Variants in KIRREL3 observed in about 807,000 individuals in gnomAD.
KIRREL3 encodes kin of IRRE-like protein 3.
A neutral mutation model predicts 89.7 loss-of-function variants in KIRREL3; 36 were observed. That is an observed-to-expected ratio of 0.40 (90% confidence interval 0.31 to 0.53). The LOEUF (loss-of-function observed/expected upper bound fraction) is 0.53. KIRREL3 is among the 20% of genes least tolerant of loss of function. KIRREL3 has a pLI of 0.49. For missense variants in KIRREL3, 864 were observed against 1,056.6 expected, an observed-to-expected ratio of 0.82 and a Z score of 2.53; for synonymous variants, 445 against 441.4, an observed-to-expected ratio of 1.01 and a Z score of -0.10.
chr11:126,850,214 A>G (rs960601026), intron 1 of KIRREL3, among the ~76,000 whole-genome samples: 1 of 152,236 alleles, frequency 6.6e-6, no homozygotes, highest in African/African-American at 2.4e-5. Flanking sequence ...TTTCACCCAC[A>G]TGATCTCTTT....
At position 126,709,606 on chromosome 11, in the gene KIRREL3, T is replaced by C. The variant is rs1356788757; in HGVS notation, c.56-146694A>G. On this transcript the variant is annotated intron_variant, in intron 1 of 16. Transcript: ENST00000525144. The surrounding 1 kb of genome is among the most constrained non-coding windows in gnomAD (Gnocchi z 4.0). ...GCGTCCTAATCCTGCATGACTGGTG[T>C]CCTTATAAAAAGAGAAAATTTGGAC... Among the ~76,000 whole-genome samples the C allele has an allele frequency of 1.3e-5, 2 of 152,064 alleles. No individual in the cohort carries two copies. Among genetic ancestry groups the C allele is most frequent in the Non-Finnish European group, 2.9e-5 (2 of 68,016 alleles).
intron 1 of KIRREL3, among the ~76,000 whole-genome samples, chr11:126,933,453 T>G (rs1379871117): frequency 1.3e-5 from 2 of 151,244 alleles, no homozygotes; most frequent in Non-Finnish European, 2.9e-5. Flanking sequence ...TTGCATGTTT[T>G]AAAGAATTTC....
chr11:126,865,675 C>T (rs763547192), intron 1 of KIRREL3, among the ~76,000 whole-genome samples: 3 of 152,180 alleles, frequency 2.0e-5, no homozygotes, highest in Non-Finnish European at 2.9e-5. Context: ...GTACAGGACC[C>T]TGAGGGATCG....
chr11:126,921,391 G>GTATC (rs35917135), intron 1 of KIRREL3, among the ~76,000 whole-genome samples: 20,396 of 143,810 alleles, frequency 0.14, 1,423 homozygotes, highest in African/African-American at 0.18. Context: ...ATCCTGTCTT[G>GTATC]TATCTATCTA....
At position 126,872,723 on chromosome 11, in the gene KIRREL3, C is replaced by A. The variant is rs1945148902; in HGVS notation, c.55+127732G>T. On this transcript the variant is annotated intron_variant, in intron 1 of 16. Transcript: ENST00000525144. This position sits in a 1 kb window ranked among gnomAD's most constrained non-coding sequence, Gnocchi z 4.2. The stretch of plus-strand genomic sequence containing the variant: ...TCATCTTTGTCAGTGTGGGTACTTT[C>A]CTGCTCTGTGCTGCCAGAATGGTGC... Among the ~76,000 whole-genome samples the A allele has an allele frequency of 6.6e-6, 1 of 152,314 alleles. No homozygotes were observed. The highest frequency in any genetic ancestry group is 2.4e-5 in the African/African-American group (1 of 41,560).
At chr11:126,846,455 CT>C (rs1944145819) in intron 1 of KIRREL3, among the ~76,000 whole-genome samples, 1 of 152,032 alleles carries the variant, frequency 6.6e-6, no homozygotes, top group South Asian at 2.1e-4. Context: ...ATTATCATGC[CT>C]TTTAGGTCAC....
At chr11:126,992,602 T>C (rs1000836853) in intron 1 of KIRREL3, 1 of 152,226 alleles carries the variant, frequency 6.6e-6, no homozygotes, top group Non-Finnish European at 1.5e-5. Flanking sequence ...GTAAAACATT[T>C]CCAACATCTT....
In KIRREL3 at chr11:126,796,720, G is replaced by T. The variant is rs1192503980; in HGVS notation, c.55+203735C>A. 6.6e-6 allele frequency among the ~76,000 whole-genome samples: 1 copy of T among 151,868 alleles called. No individual in the cohort carries two copies. The highest frequency in any genetic ancestry group is 1.5e-5 in the Non-Finnish European group (1 of 67,988). On this transcript the variant is annotated intron_variant, in intron 1 of 16. Coordinates refer to ENST00000525144, the MANE Select transcript of KIRREL3 (RefSeq NM_032531.4). The surrounding 1 kb of genome is among the most constrained non-coding windows in gnomAD (Gnocchi z 5.1). ...CAACAAGGTCTTGCTCTGTTGCCCAGGCTGGAGTGCAGTGGCATGATCTTG... is the reference window on the plus strand; with the variant it reads ...CAACAAGGTCTTGCTCTGTTGCCCATGCTGGAGTGCAGTGGCATGATCTTG...
In KIRREL3 at chr11:126,993,826, C is replaced by T. The variant is rs532514818; in HGVS notation, c.55+6629G>A. On this transcript the variant is annotated intron_variant, in intron 1 of 16. Transcript: ENST00000525144. This position sits in a 1 kb window ranked among gnomAD's most constrained non-coding sequence, Gnocchi z 6.1. Reference sequence around the variant, plus strand: ...GGGGGAAAATGTGGAATAGTGACAGCGATGTTTGTTTGTTATTGCTGCAAC... The same window carrying T: ...GGGGGAAAATGTGGAATAGTGACAGTGATGTTTGTTTGTTATTGCTGCAAC... Among the ~76,000 whole-genome samples, 8 of 152,226 alleles carry T rather than the reference C, an allele frequency of 5.3e-5. No individual in the cohort carries two copies. Among genetic ancestry groups the T allele is most frequent in the South Asian group, 2.1e-4 (1 of 4,802 alleles).
rs141619436 is a variant in KIRREL3, at chr11:126,837,324, T to C, written c.55+163131A>G. ...AATGTTCAATACAAATTAATCTCCTTTCTTTTTCCTTGAGTACAAAGAAGA... is the reference window on the plus strand; with the variant it reads ...AATGTTCAATACAAATTAATCTCCTCTCTTTTTCCTTGAGTACAAAGAAGA... On this transcript the variant is annotated intron_variant, in intron 1 of 16. Coordinates refer to ENST00000525144, the MANE Select transcript of KIRREL3 (RefSeq NM_032531.4). The surrounding 1 kb of genome is among the most constrained non-coding windows in gnomAD (Gnocchi z 4.7). Among the ~76,000 whole-genome samples the C allele has an allele frequency of 1.7e-3, 263 of 152,352 alleles. No homozygotes were observed. The highest frequency in any genetic ancestry group is 6.1e-3 in the African/African-American group (254 of 41,580).
chr11:126,951,139 C>T (rs1948763300), intron 1 of KIRREL3, among the ~76,000 whole-genome samples: 1 of 152,192 alleles, frequency 6.6e-6, no homozygotes, highest in Non-Finnish European at 1.5e-5. Flanking sequence ...GGGGGGCCAT[C>T]ATCTCTCTAC....
rs10893587 is a variant in KIRREL3 at position 126,844,073 on chromosome 11, T to C, written c.55+156382A>G. The stretch of plus-strand genomic sequence containing the variant: ...TGGACTCGCCCTGAATTCTTTCTTG[T>C]ACGAGATCCAAGAACCCTCTTTTGG... On this transcript the variant is annotated intron_variant, in intron 1 of 16. Transcript: ENST00000525144. The surrounding 1 kb of genome is among the most constrained non-coding windows in gnomAD (Gnocchi z 4.8). Among the ~76,000 whole-genome samples the C allele has an allele frequency of 0.85, 129,391 of 152,198 alleles. 55,210 individuals are homozygous for C. Among genetic ancestry groups the C allele is most frequent in the East Asian group, 1 (5,162 of 5,168 alleles).
At chr11:126,585,220 CTTTTTTTTTT>C (rs3042225) in intron 1 of KIRREL3, among the ~76,000 whole-genome samples, 114 of 81,918 alleles carry the variant, frequency 1.4e-3, no homozygotes, top group African/African-American at 3.6e-3. Flanking sequence ...CGCCCGGCCT[CTTTTTTTTTT>C]TTTTTTTTTT....
At chr11:126,693,206 A>G (rs1381083886) in intron 1 of KIRREL3, among the ~76,000 whole-genome samples, 1 of 152,158 alleles carries the variant, frequency 6.6e-6, no homozygotes, top group African/African-American at 2.4e-5. Context: ...ACTGCCTGAG[A>G]TCAGGAGTTT....
At chr11:126,552,550 G>GT (rs59392843) in intron 2 of KIRREL3, among the ~76,000 whole-genome samples, 6,365 of 81,268 alleles carry the variant, frequency 0.078, 1,321 homozygotes, top group Admixed American at 0.1. Context: ...AGAGAGAAAA[G>GT]TTTTTTTTTT....
In KIRREL3 at chr11:126,574,796, CT is replaced by C. The variant is rs1565563566; in HGVS notation, c.56-11885del. 6.6e-6 allele frequency among the ~76,000 whole-genome samples: 1 copy of C among 152,218 alleles called. No individual in the cohort carries two copies. The highest frequency in any genetic ancestry group is 1.5e-5 in the Non-Finnish European group (1 of 68,040). On this transcript the variant is annotated intron_variant, in intron 1 of 16. Transcript: ENST00000525144. This position sits in a 1 kb window ranked among gnomAD's most constrained non-coding sequence, Gnocchi z 5.3. ...ATGAACCACTTCCACCCTTGCCTAC[CT>C]ACTCCTGCCAACCCATTCATTTGTT...
At chr11:126,728,709 G>GTGAA (rs1948492103) in intron 1 of KIRREL3, among the ~76,000 whole-genome samples, 1 of 152,208 alleles carries the variant, frequency 6.6e-6, no homozygotes, top group Admixed American at 6.5e-5. Flanking sequence ...TGTCAGTGGA[G>GTGAA]TGAAGCCTGT....
At chr11:126,864,418 A>C (rs1944852726) in intron 1 of KIRREL3, among the ~76,000 whole-genome samples, 1 of 152,224 alleles carries the variant, frequency 6.6e-6, no homozygotes, top group Non-Finnish European at 1.5e-5. Flanking sequence ...CACAGCTTGC[A>C]GTATGCCTGC....
At chr11:126,787,429 T>C (rs561784405) in intron 1 of KIRREL3, among the ~76,000 whole-genome samples, 7 of 152,306 alleles carry the variant, frequency 4.6e-5, no homozygotes, top group South Asian at 4.1e-4. Context: ...CAAATCAATA[T>C]AAACATATCC....
Sources: allele counts gnomAD v4.1 joint callset (sites outside exome capture counted in the v4.1 genomes callset), GRCh38; gene constraint gnomAD v4.1.1; non-coding constraint Gnocchi (gnomAD v3.1); transcripts MANE v1.5; gene names NCBI Gene and HGNC (gene_info 2026-07-23, HGNC 2026-07-21).